Variants in CYP2C19 observed in about 807,000 individuals in gnomAD.
CYP2C19 encodes the protein cytochrome P450 2C19.
A neutral mutation model predicts 40.9 loss-of-function variants in CYP2C19; 59 were observed. The observed-to-expected ratio is 1.44, with a 90% CI of 1.17 to 1.79. The LOEUF is 1.79. CYP2C19 is among the 40% of genes most tolerant of loss of function. The pLI is 0.00. For missense variants in CYP2C19, 754 were observed against 596.9 expected, an observed-to-expected ratio of 1.26 and a Z score of -2.74; for synonymous variants, 253 against 208.7, an observed-to-expected ratio of 1.21 and a Z score of -1.83.
chr10:94,821,521 T>C (rs1849121249), intron 6 of CYP2C19, among the ~76,000 whole-genome samples: 1 of 152,202 alleles, frequency 6.6e-6, no homozygotes, highest in Non-Finnish European at 1.5e-5. Flanking sequence ...ACCTAAAGAA[T>C]GTTCCATTTA....
At chr10:94,823,746 C>T (rs1346841414) in intron 6 of CYP2C19, among the ~76,000 whole-genome samples, 1 of 152,186 alleles carries the variant, frequency 6.6e-6, no homozygotes, top group Non-Finnish European at 1.5e-5. Context: ...TGTTTTCAGA[C>T]TTGCACATTT....
Position 94,853,135 on chromosome 10 carries a change from C to T in CYP2C19, c.*221C>T. The T allele has an allele frequency of 1.8e-6, 1 of 555,420 alleles. No individual in the cohort carries two copies. The highest frequency in any genetic ancestry group is 3.2e-6 in the Non-Finnish European group (1 of 316,770). 34.4% of individuals were successfully genotyped at this position (555,420 alleles called of 1,614,324 possible). ...TAGTTACATTGAGTGCCACATAATG[C>T]TGATACTTGTCTAATGTTGAGTTAT... On this transcript the variant is annotated 3_prime_UTR_variant, in exon 9 of 9. Transcript: ENST00000371321.
At position 94,820,706 on chromosome 10, in the gene CYP2C19, C is replaced by T. The variant is rs574955217; in HGVS notation, c.961+69C>T. The stretch of plus-strand genomic sequence containing the variant: ...TTGGGAAGGTGCTGCTAGTGTTCTC[C>T]TTTCTGTTTCTCTTAGAGAAGTTCC... On this transcript the variant is annotated intron_variant, in intron 6 of 8. Transcript: ENST00000371321. 88 of 1,582,960 alleles carry T rather than the reference C, an allele frequency of 5.6e-5. No individual in the cohort carries two copies. In the African/African-American group the frequency reaches 9.7e-4, roughly 17 times the overall value.
chr10:94,851,914 T>G (rs1161148167), intron 8 of CYP2C19, among the ~76,000 whole-genome samples: 1 of 152,188 alleles, frequency 6.6e-6, no homozygotes, highest in Non-Finnish European at 1.5e-5. Flanking sequence ...ATGAACATGA[T>G]GTTGAGGAAT....
intron 1 of CYP2C19, among the ~76,000 whole-genome samples, chr10:94,768,927 G>T (rs12572917): frequency 0.17 from 26,324 of 152,076 alleles, 2,548 homozygotes; most frequent in South Asian, 0.33. Context: ...ATGAGTATTT[G>T]CCCTCTGGGT....
intron 6 of CYP2C19, among the ~76,000 whole-genome samples, chr10:94,834,984 G>A (rs1849380652): frequency 1.3e-5 from 2 of 152,026 alleles, no homozygotes; most frequent in African/African-American, 4.8e-5. Context: ...GGTGTAGTAG[G>A]GGTGGTGCAG....
chr10:94,816,179 G>T (rs1485139116), intron 5 of CYP2C19, among the ~76,000 whole-genome samples: 1 of 151,570 alleles, frequency 6.6e-6, no homozygotes, highest in African/African-American at 2.4e-5. Flanking sequence ...GAATAAGGGG[G>T]TAGGAAATAA....
intron 3 of CYP2C19, chr10:94,775,791 T>A (rs891189454): frequency 1.1e-5 from 6 of 566,664 alleles, no homozygotes; most frequent in Non-Finnish European, 1.8e-5. Context: ...CTTTGCTTCT[T>A]TGTTTTCAAA....
At position 94,806,411 on chromosome 10, in the gene CYP2C19, A is replaced by G. The variant is rs147434108; in HGVS notation, c.820-14085A>G. Among the ~76,000 whole-genome samples, 429 of 152,132 alleles carry G rather than the reference A, an allele frequency of 2.8e-3. 2 individuals are homozygous for G. Among genetic ancestry groups the G allele is most frequent in the African/African-American group, 9.8e-3 (408 of 41,520 alleles). On this transcript the variant is annotated intron_variant, in intron 5 of 8. Coordinates refer to ENST00000371321, the MANE Select transcript of CYP2C19 (RefSeq NM_000769.4). ...TGTGCTGCTTTCAATTCTTTTGGGT[A>G]TATACCCAGAAGTGGCATTTCTGGG...
intron 5 of CYP2C19, among the ~76,000 whole-genome samples, chr10:94,810,801 G>C (rs991209997): frequency 5.9e-5 from 9 of 151,788 alleles, no homozygotes; most frequent in African/African-American, 2.2e-4. Context: ...AGTCTGGCTA[G>C]CAGCCTATTT....
chr10:94,771,028 A>G (rs892055439), intron 1 of CYP2C19, among the ~76,000 whole-genome samples: 2 of 152,186 alleles, frequency 1.3e-5, no homozygotes, highest in African/African-American at 2.4e-5. Context: ...CAATAGCATG[A>G]CATCTCTCCA....
intron 6 of CYP2C19, among the ~76,000 whole-genome samples, chr10:94,832,103 G>T (rs529423404): frequency 6.6e-6 from 1 of 152,300 alleles, no homozygotes; most frequent in Non-Finnish European, 1.5e-5. Flanking sequence ...TATGAGTCCA[G>T]ATTCATCCCT....
intron 6 of CYP2C19, among the ~76,000 whole-genome samples, chr10:94,834,254 C>G (rs1012403903): frequency 6.6e-6 from 1 of 152,060 alleles, no homozygotes; most frequent in African/African-American, 2.4e-5. Flanking sequence ...AAGGATTTGT[C>G]CATTTCTTCT....
intron 6 of CYP2C19, among the ~76,000 whole-genome samples, chr10:94,839,702 G>A (rs934466894): frequency 1.3e-5 from 2 of 152,184 alleles, no homozygotes; most frequent in African/African-American, 2.4e-5. Context: ...CAATTATTAG[G>A]CAATTTTTCT....
rs531527277 is a variant in CYP2C19 at position 94,823,287 on chromosome 10, A to G, written c.961+2650A>G. Among the ~76,000 whole-genome samples, 36 of 152,270 alleles carry G rather than the reference A, an allele frequency of 2.4e-4. No homozygotes were observed. The South Asian group carries it at 7.5e-3, about 32-fold the overall frequency. On this transcript the variant is annotated intron_variant, in intron 6 of 8. Transcript: ENST00000371321. ...ATCAAGTAACTAATTTTCTCCCACA[A>G]GAAAAAGGAGGCTTACTCTCTAGAG...
rs28399506 is a variant in CYP2C19 at position 94,775,298 on chromosome 10, G to A, written c.331+78G>A. Reference sequence around the variant, plus strand: ...AAAACAGACTAGCAGAGCTTCTCGGGCAGAGCTTGGCCCATCCACATGGCT... The same window carrying A: ...AAAACAGACTAGCAGAGCTTCTCGGACAGAGCTTGGCCCATCCACATGGCT... On this transcript the variant is annotated intron_variant, in intron 2 of 8. Transcript: ENST00000371321. The A allele has an allele frequency of 2.8e-4, 447 of 1,612,490 alleles. 1 individual carries two copies. In the African/African-American group the frequency reaches 3.1e-3, roughly 11 times the overall value.
intron 5 of CYP2C19, among the ~76,000 whole-genome samples, 155 bp from the exon 6 acceptor site, chr10:94,820,341 T>A (rs1008208025): frequency 5.9e-5 from 9 of 152,156 alleles, no homozygotes; most frequent in African/African-American, 2.2e-4. Flanking sequence ...AAGACAGGGA[T>A]GCCCTCTCTC....
intron 6 of CYP2C19, among the ~76,000 whole-genome samples, chr10:94,833,300 A>G (rs1849357970): frequency 6.6e-6 from 1 of 152,226 alleles, no homozygotes; most frequent in Admixed American, 6.5e-5. Flanking sequence ...AGTATGAAGA[A>G]TAACAATGGC....
chr10:94,767,627 G>C (rs59826872), intron 1 of CYP2C19, among the ~76,000 whole-genome samples: 11,807 of 152,216 alleles, frequency 0.078, 531 homozygotes, highest in South Asian at 0.12. Context: ...GCACACCTCA[G>C]AGGCTTTGAC....
Sources: gnomAD v4.1 joint callset for allele counts (sites outside exome capture counted in the v4.1 genomes callset) on GRCh38, gnomAD v4.1.1 for gene constraint, MANE v1.5 for transcripts, NCBI Gene and HGNC (gene_info 2026-07-23, HGNC 2026-07-21) for gene names.